PRKCZ: variants seen among roughly 807,000 people sequenced by gnomAD.
PRKCZ encodes protein kinase C zeta type.
A neutral mutation model predicts 79.5 loss-of-function variants in PRKCZ; 33 were observed. The observed-to-expected ratio is 0.41, with a 90% CI of 0.31 to 0.55. The LOEUF (loss-of-function observed/expected upper bound fraction) is 0.55. PRKCZ is among the 20% of genes least tolerant of loss of function. The pLI is 0.19. For synonymous variants in PRKCZ, 342 were observed against 320.9 expected (o/e 1.07, Z -0.70); for missense variants, 578 against 813.5 (o/e 0.71, Z 3.52).
chr1:2,128,220 A>G lies in PRKCZ; in HGVS notation c.335-7042A>G, dbSNP rs893856511. On this transcript the variant is annotated intron_variant, in intron 4 of 17. Coordinates refer to ENST00000378567, the MANE Select transcript of PRKCZ (RefSeq NM_002744.6). This position sits in a 1 kb window ranked among gnomAD's most constrained non-coding sequence, Gnocchi z 6.5. ...CCATAGAAGGCACCTGGCTATCTGC[A>G]TGTGGCTTGACCACTGCCTTGCACC... is the stretch of plus-strand genomic sequence containing the variant. 6.6e-6 allele frequency among the ~76,000 whole-genome samples: 1 copy of G among 152,186 alleles called. No homozygotes were observed. The highest frequency in any genetic ancestry group is 2.4e-5 in the African/African-American group (1 of 41,462).
At chr1:2,139,561 C>T (rs1395648580) in intron 5 of PRKCZ, among the ~76,000 whole-genome samples, 2 of 152,106 alleles carry the variant, frequency 1.3e-5, no homozygotes, top group African/African-American at 4.8e-5. Flanking sequence ...TGCACTCCAG[C>T]CTGGGCGACA....
At chr1:2,079,115 TACA>T (rs1662993132) in intron 4 of PRKCZ, among the ~76,000 whole-genome samples, 1 of 152,212 alleles carries the variant, frequency 6.6e-6, no homozygotes, top group South Asian at 2.1e-4. Flanking sequence ...GTGCCGGGAT[TACA>T]GGCGTGAGCC....
chr1:2,157,923 G>C (rs962688740), intron 10 of PRKCZ, among the ~76,000 whole-genome samples: 1 of 151,786 alleles, frequency 6.6e-6, no homozygotes, highest in African/African-American at 2.4e-5. Flanking sequence ...CCAGCTTTGC[G>C]GGCCAGGCTT....
In PRKCZ at chr1:2,127,611, C is replaced by T. The variant is rs1674195464; in HGVS notation, c.335-7651C>T. Among the ~76,000 whole-genome samples the T allele has an allele frequency of 6.6e-6, 1 of 152,200 alleles. No individual in the cohort carries two copies. The highest frequency in any genetic ancestry group is 2.4e-5 in the African/African-American group (1 of 41,444). The stretch of plus-strand genomic sequence containing the variant: ...GACAGCTCTGCTGGGAGCGTTCTGG[C>T]CTGAAATGCAGTGGGAGCTCTGGTG... On this transcript the variant is annotated intron_variant, in intron 4 of 17. Coordinates refer to ENST00000378567, the MANE Select transcript of PRKCZ (RefSeq NM_002744.6). The surrounding 1 kb of genome is among the most constrained non-coding windows in gnomAD (Gnocchi z 5.1).
At chr1:2,110,970 C>T (rs895106010) in intron 4 of PRKCZ, among the ~76,000 whole-genome samples, 6 of 152,098 alleles carry the variant, frequency 3.9e-5, no homozygotes, top group Admixed American at 2.0e-4. Flanking sequence ...CCCTCGGGTG[C>T]GAGGCCTGCC....
rs1407759646 is a variant in PRKCZ at position 2,127,294 on chromosome 1, T to C, written c.335-7968T>C. On this transcript the variant is annotated intron_variant, in intron 4 of 17. Transcript: ENST00000378567. This position sits in a 1 kb window ranked among gnomAD's most constrained non-coding sequence, Gnocchi z 5.1. Reference sequence around the variant, plus strand: ...AAAGCATAGCATGTTTTCAATCACATGTTCAGCTGGGAAATAGATCTGTGG... The same window carrying C: ...AAAGCATAGCATGTTTTCAATCACACGTTCAGCTGGGAAATAGATCTGTGG... 6.6e-6 allele frequency among the ~76,000 whole-genome samples: 1 copy of C among 152,184 alleles called. No homozygotes were observed. The highest frequency in any genetic ancestry group is 1.5e-5 in the Non-Finnish European group (1 of 68,026).
At position 2,128,435 on chromosome 1, in the gene PRKCZ, T is replaced by G. The variant is rs1389492391; in HGVS notation, c.335-6827T>G. ...CTGTCCCAGCCTGCTGCTCCGAGTT[T>G]AGTGTTTTAAAACGTGTTTTCTACG... On this transcript the variant is annotated intron_variant, in intron 4 of 17. Transcript: ENST00000378567. The surrounding 1 kb of genome is among the most constrained non-coding windows in gnomAD (Gnocchi z 6.5). Among the ~76,000 whole-genome samples, 3 of 152,230 alleles carry G rather than the reference T, an allele frequency of 2.0e-5. No homozygotes were observed. The South Asian group carries it at 6.2e-4, about 31-fold the overall frequency.
rs575611061 is a variant in PRKCZ, at chr1:2,112,322, C to T, written c.335-22940C>T. Among the ~76,000 whole-genome samples the T allele has an allele frequency of 2.0e-4, 31 of 152,348 alleles. No homozygotes were observed. In the East Asian group the frequency reaches 4.2e-3, roughly 21 times the overall value. On this transcript the variant is annotated intron_variant, in intron 4 of 17. Coordinates refer to ENST00000378567, the MANE Select transcript of PRKCZ (RefSeq NM_002744.6). ...GCCCCAGTGACACAGAGGCCTCAAA[C>T]GGCACAGTGCACCTTCTGTCCGAAG...
intron 4 of PRKCZ, among the ~76,000 whole-genome samples, chr1:2,067,150 G>T (rs1254784984): frequency 6.6e-6 from 1 of 152,170 alleles, no homozygotes; most frequent in Non-Finnish European, 1.5e-5. Flanking sequence ...GATAATGTCT[G>T]TTTTTTGAAA....
At chr1:2,080,712 C>A (rs1460774710) in intron 4 of PRKCZ, among the ~76,000 whole-genome samples, 3 of 152,184 alleles carry the variant, frequency 2.0e-5, no homozygotes, top group Non-Finnish European at 4.4e-5. Context: ...ATTCCGCTTG[C>A]CTCAGTCTCC....
In PRKCZ at chr1:2,172,355, A is replaced by T; in HGVS notation, c.1252A>T (p.Ile418Phe). Residue 418 changes from isoleucine (I) to phenylalanine (F), a missense_variant, in exon 13 of 18, where the codon ATC becomes TTC. Ile to Phe is a conservative substitution (Grantham distance 21). This residue lies in a region of PRKCZ where 243 missense variants were observed against 467.0 expected (regional missense o/e 0.52). Coordinates refer to ENST00000378567, the MANE Select transcript of PRKCZ (RefSeq NM_002744.6). The surrounding 1 kb of genome is among the most constrained non-coding windows in gnomAD (Gnocchi z 7.8). The stretch of plus-strand genomic sequence containing the variant: ...CACTTTCTGCGGAACCCCGAATTAC[A>T]TCGCCCCCGAAATCCTGCGGGGAGA... Reference protein sequence around the residue: ...TSTFCGTPNYIAPEILRGEEY... With the variant: ...TSTFCGTPNYFAPEILRGEEY... The T allele has an allele frequency of 6.2e-7, 1 of 1,613,304 alleles. No individual in the cohort carries two copies. Among genetic ancestry groups the T allele is most frequent in the Non-Finnish European group, 8.5e-7 (1 of 1,179,964 alleles).
In PRKCZ at chr1:2,125,829, C is replaced by T. The variant is rs761784571; in HGVS notation, c.335-9433C>T. Reference sequence around the variant, plus strand: ...CCACGCATCCTAGCCACGGCCTCCTCACGTCCATGCGGGGATTTGCGCCCT... The same window carrying T: ...CCACGCATCCTAGCCACGGCCTCCTTACGTCCATGCGGGGATTTGCGCCCT... On this transcript the variant is annotated intron_variant, in intron 4 of 17. Coordinates refer to ENST00000378567, the MANE Select transcript of PRKCZ (RefSeq NM_002744.6). This position sits in a 1 kb window ranked among gnomAD's most constrained non-coding sequence, Gnocchi z 4.2. Among the ~76,000 whole-genome samples, 2 of 152,244 alleles carry T rather than the reference C, an allele frequency of 1.3e-5. No homozygotes were observed. The highest frequency in any genetic ancestry group is 2.9e-5 in the Non-Finnish European group (2 of 68,040).
chr1:2,105,342 G>A (rs371828280), intron 4 of PRKCZ, among the ~76,000 whole-genome samples: 4 of 152,290 alleles, frequency 2.6e-5, no homozygotes, highest in African/African-American at 9.6e-5. Flanking sequence ...GAGGGTGCCC[G>A]GGGCCCATCC....
intron 4 of PRKCZ, among the ~76,000 whole-genome samples, chr1:2,088,957 C>T (rs866724992): frequency 3.3e-5 from 5 of 152,138 alleles, no homozygotes; most frequent in Admixed American, 6.5e-5. Flanking sequence ...TTTTGTTTTC[C>T]GAGAGCATAT....
chr1:2,150,034 C>CGCCTGTA (rs1557683315), intron 8 of PRKCZ, among the ~76,000 whole-genome samples: 1 of 148,522 alleles, frequency 6.7e-6, no homozygotes, highest in East Asian at 2.0e-4. Flanking sequence ...TGGTGGCGGG[C>CGCCTGTA]GCCTGTAGTC....
intron 4 of PRKCZ, among the ~76,000 whole-genome samples, chr1:2,114,851 A>ATGGAAAGAATGT (rs1670432374): frequency 6.6e-6 from 1 of 152,094 alleles, no homozygotes; most frequent in African/African-American, 2.4e-5. Context: ...AGCTTTTCTT[A>ATGGAAAGAATGT]TGGAAAGAAT....
At chr1:2,139,516 G>C (rs944605813) in intron 5 of PRKCZ, among the ~76,000 whole-genome samples, 3 of 152,152 alleles carry the variant, frequency 2.0e-5, no homozygotes, top group Admixed American at 6.5e-5. Context: ...TTGAACCCGG[G>C]AGGCAGAGGT....
In PRKCZ at chr1:2,144,273, A is replaced by G. The variant is rs773164270; in HGVS notation, c.484A>G (p.Ile162Val). The stretch of plus-strand genomic sequence containing the variant: ...CCTCGCGAGGCAAGGCTACAGGTGC[A>G]TCAACTGCAAACTGCTGGTCCATAA... ...WGLARQGYRC[I>V]NCKLLVHKRC... Residue 162 changes from isoleucine to valine, a missense_variant, in exon 6 of 18, where the codon ATC (isoleucine) becomes GTC (valine). By Grantham distance (29) the Ile-to-Val change is conservative (BLOSUM62 3). Coordinates refer to ENST00000378567, the MANE Select transcript of PRKCZ (RefSeq NM_002744.6). The G allele has an allele frequency of 6.4e-6, 10 of 1,562,804 alleles. No homozygotes were observed. The East Asian group carries it at 1.2e-4, about 18-fold the overall frequency.
At chr1:2,181,929 C>T (rs1280283907) in intron 16 of PRKCZ, 2 of 453,290 alleles carry the variant, frequency 4.4e-6, no homozygotes, top group Non-Finnish European at 4.4e-6. Context: ...GCCGTTCTGC[C>T]TAAGGGAACA....
Sources: allele counts gnomAD v4.1 joint callset (sites outside exome capture counted in the v4.1 genomes callset), GRCh38; gene constraint gnomAD v4.1.1; regional missense constraint gnomAD v4.1.1; non-coding constraint Gnocchi (gnomAD v3.1); transcripts MANE v1.5; gene names NCBI Gene and HGNC (gene_info 2026-07-23, HGNC 2026-07-21).